The following NWD1 variants were observed in gnomAD, a reference collection of about 807,000 sequenced individuals.
The protein encoded by NWD1 is NACHT domain- and WD repeat-containing protein 1.
NWD1 carries 129 observed loss-of-function variants against 135.1 expected under a neutral mutation model. The ratio of observed to expected loss-of-function variants is 0.96; its 90% confidence interval spans 0.83 to 1.11. The LOEUF is 1.11. Ranked by LOEUF, NWD1 falls within the 50% of genes least tolerant of loss-of-function variation. The pLI, the probability that NWD1 is intolerant of heterozygous loss-of-function variation, is 0.00. For synonymous variants in NWD1, 773 were observed against 786.0 expected (o/e 0.98, Z 0.28); for missense variants, 1,740 against 1,851.3 (o/e 0.94, Z 1.10).
At position 16,794,603 on chromosome 19, in the gene NWD1, G is replaced by T. The variant is rs375635964; in HGVS notation, c.3304+50G>T. ...TAGTGAGGAAGCTAATCAGGATCAG[G>T]TTGGAGAAGGGGGTGGGGCTTGGGA... On this transcript the variant is annotated intron_variant, in intron 15 of 18. Coordinates refer to ENST00000524140, the MANE Select transcript of NWD1 (RefSeq NM_001007525.5). The T allele has an allele frequency of 2.3e-5, 29 of 1,275,534 alleles. No individual in the cohort carries two copies. In the African/African-American group the frequency reaches 4.3e-4, roughly 19 times the overall value. 79.0% of individuals were successfully genotyped at this position (1,275,534 alleles called of 1,614,324 possible).
At position 16,809,541 on chromosome 19, in the gene NWD1, T is replaced by C. The variant is rs562204711; in HGVS notation, c.4287+1405T>C. The stretch of plus-strand genomic sequence containing the variant: ...TCCTGGCTCTGTGCTATTTCTTTTT[T>C]TTTTTCTTTTTCTTTTTCTTTTTTT... On this transcript the variant is annotated intron_variant, in intron 18 of 18. Coordinates refer to ENST00000524140, the MANE Select transcript of NWD1 (RefSeq NM_001007525.5). 1.6e-4 allele frequency among the ~76,000 whole-genome samples: 23 copies of C among 145,966 alleles called. No individual in the cohort carries two copies. The East Asian group carries it at 4.3e-3, about 27-fold the overall frequency.
chr19:16,725,859 G>A (rs1967307317), intron 2 of NWD1, among the ~76,000 whole-genome samples: 1 of 150,888 alleles, frequency 6.6e-6, no homozygotes, highest in Non-Finnish European at 1.5e-5. Flanking sequence ...CAGCAGCCTT[G>A]AACTCTTGGG....
intron 3 of NWD1, among the ~76,000 whole-genome samples, chr19:16,732,677 T>TAAAAAAAAAAAAAAAAAAAAAAAA (rs1464805489): frequency 2.3e-5 from 2 of 85,158 alleles, no homozygotes; most frequent in African/African-American, 6.2e-5. Flanking sequence ...AAAGAAAAAG[T>TAAAAAAAAAAAAAAAAAAAAAAAA]GAAAAAGTGC....
rs556747373 is a variant in NWD1 at position 16,773,282 on chromosome 19, C to T, written c.2567C>T (p.Pro856Leu). 4.7e-5 allele frequency: 76 copies of T among 1,613,214 alleles called. No individual in the cohort carries two copies. In the Admixed American group the frequency reaches 7.5e-4, roughly 16 times the overall value. The change falls in exon 11 of 19, where the codon CCG becomes CTG. Residue 856 changes from proline (P) to leucine (L), a missense_variant. Coordinates refer to ENST00000524140, the MANE Select transcript of NWD1 (RefSeq NM_001007525.5). ...LVPLGGFLQP[P>L]GGPLRATLSG... ...CCCCTCGGAGGATTCCTCCAGCCCC[C>T]GGGAGGACCCCTCCGGGCAACTCTC...
intron 13 of NWD1, among the ~76,000 whole-genome samples, chr19:16,789,772 C>T (rs1187082378): frequency 1.4e-5 from 2 of 138,646 alleles, no homozygotes; most frequent in Non-Finnish European, 3.0e-5. Context: ...GGCTGGAGTA[C>T]AGTGGTACAA....
chr19:16,789,880 G>A (rs936785406), intron 13 of NWD1, among the ~76,000 whole-genome samples: 8 of 152,048 alleles, frequency 5.3e-5, no homozygotes, highest in Non-Finnish European at 1.0e-4. Flanking sequence ...ACCACGCCCA[G>A]CTAATTTTTG....
rs755237671 is a variant in NWD1 at position 16,750,099 on chromosome 19, C to T, written c.1457C>T (p.Pro486Leu). ...LDTLQRVLLD[P>L]EAYWEVKPLS... is the part of the protein sequence containing the mutation. ...ACCTTGCAGCGGGTGCTCCTGGACC[C>T]GGAGGCCTACTGGGAGGTGAAGCCC... The change falls in exon 6 of 19, where the codon CCG becomes CTG. Residue 486 changes from proline to leucine, a missense_variant. Pro to Leu is a moderately conservative substitution (Grantham distance 98, BLOSUM62 -3). Coordinates refer to ENST00000524140, the MANE Select transcript of NWD1 (RefSeq NM_001007525.5). The T allele has an allele frequency of 1.3e-5, 21 of 1,613,888 alleles. No individual in the cohort carries two copies. Among genetic ancestry groups the T allele is most frequent in the Middle Eastern group, 1.6e-4 (1 of 6,084 alleles).
intron 2 of NWD1, among the ~76,000 whole-genome samples, chr19:16,729,800 C>T (rs181572232): frequency 1.4e-4 from 21 of 150,920 alleles, no homozygotes; most frequent in Non-Finnish European, 2.8e-4. Context: ...ATCTGGTAGG[C>T]GGAGGTTGCA....
At chr19:16,731,315 A>AC (rs1568333892) in intron 3 of NWD1, 37 bp downstream of exon 3, 2 of 1,283,208 alleles carry the variant, frequency 1.6e-6, no homozygotes, top group Admixed American at 4.2e-5. Context: ...TGCTTTTTTT[A>AC]TTTTTTTTTG....
chr19:16,755,498 C>T (rs1196234667), intron 6 of NWD1, among the ~76,000 whole-genome samples: 3 of 152,172 alleles, frequency 2.0e-5, no homozygotes, highest in African/African-American at 7.2e-5. Context: ...AAATGATTCT[C>T]ATGTCTCAGC....
intron 6 of NWD1, among the ~76,000 whole-genome samples, chr19:16,756,607 C>G (rs1235244167): frequency 4.6e-5 from 7 of 152,128 alleles, no homozygotes; most frequent in Non-Finnish European, 8.8e-5. Flanking sequence ...ATCTGTCTAT[C>G]TATAATCTAT....
intron 17 of NWD1, among the ~76,000 whole-genome samples, chr19:16,803,164 C>T (rs1038590339): frequency 6.6e-6 from 1 of 152,110 alleles, no homozygotes; most frequent in Non-Finnish European, 1.5e-5. Context: ...TTATTCGCTA[C>T]CACAAGAACA....
Position 16,762,109 on chromosome 19 carries a change from G to A in NWD1, c.2104G>A (p.Val702Met), listed in dbSNP as rs755844911. The change falls in exon 8 of 19, where the codon GTG becomes ATG. Residue 702 changes from valine to methionine, a missense_variant. Transcript: ENST00000524140. The stretch of plus-strand genomic sequence containing the variant: ...CAAGAAGCTCATCACTCTGCCACTT[G>A]TGGGGAAACCACTGAACTTGGACCG... ...GTKKLITLPL[V>M]GKPLNLDRKV... 1.2e-5 allele frequency: 19 copies of A among 1,614,036 alleles called. No homozygotes were observed. The highest frequency in any genetic ancestry group is 1.5e-5 in the Non-Finnish European group (18 of 1,179,976).
Position 16,773,219 on chromosome 19 carries a change from A to G in NWD1, c.2504A>G (p.Gln835Arg). The G allele has an allele frequency of 6.2e-7, 1 of 1,613,814 alleles. No individual in the cohort carries two copies. The highest frequency in any genetic ancestry group is 8.5e-7 in the Non-Finnish European group (1 of 1,180,010). Residue 835 changes from glutamine (Q) to arginine (R), a missense_variant, in exon 11 of 19, where the codon CAG (glutamine) becomes CGG (arginine). Transcript: ENST00000524140. The part of the protein sequence containing the change: ...ALVGQLCQQA[Q>R]SWFQLCAHPV... ...GTGGGACAGCTATGCCAACAGGCCC[A>G]GAGCTGGTTCCAGTTGTGCGCACAC...
intron 2 of NWD1, among the ~76,000 whole-genome samples, chr19:16,729,053 C>T (rs1967449808): frequency 6.6e-6 from 1 of 151,930 alleles, no homozygotes; most frequent in East Asian, 1.9e-4. Flanking sequence ...ATTGGGAAAC[C>T]TCTATGATGT....
In NWD1 at chr19:16,750,376, C is replaced by T. The variant is rs745325239; in HGVS notation, c.1734C>T (p.Leu578=). 18 of 1,600,288 alleles carry T rather than the reference C, an allele frequency of 1.1e-5. No homozygotes were observed. The highest frequency in any genetic ancestry group is 4.5e-5 in the East Asian group (2 of 44,724). ...TRLEQTHGQL[L]VAHVLGYIVS... is the part of the protein sequence containing the mutation. ...TGGAGCAGACACACGGGCAGCTCCT[C>T]GTGGCCCACGTGCTGGGCTACATTG... The change falls in exon 6 of 19, where the codon CTC becomes CTT. Residue 578 remains leucine (L), a synonymous_variant. Coordinates refer to ENST00000524140, the MANE Select transcript of NWD1 (RefSeq NM_001007525.5).
chr19:16,757,997 A>G (rs1968861669), intron 6 of NWD1, among the ~76,000 whole-genome samples: 1 of 151,792 alleles, frequency 6.6e-6, no homozygotes, highest in African/African-American at 2.4e-5. Flanking sequence ...GATTGCAGTG[A>G]GCTGAGATGG....
intron 18 of NWD1, among the ~76,000 whole-genome samples, chr19:16,810,023 C>T (rs1445100692): frequency 2.0e-5 from 3 of 152,138 alleles, no homozygotes; most frequent in African/African-American, 7.2e-5. Context: ...ACACAGTGAG[C>T]TCTGTCTGGG....
chr19:16,754,796 A>T (rs1412766319), intron 6 of NWD1, among the ~76,000 whole-genome samples: 2 of 147,458 alleles, frequency 1.4e-5, no homozygotes, highest in African/African-American at 5.1e-5. Context: ...TCTATCATCC[A>T]TCCATCCATC....
Sources: gnomAD v4.1 joint callset for allele counts (sites outside exome capture counted in the v4.1 genomes callset) on GRCh38, gnomAD v4.1.1 for gene constraint, MANE v1.5 for transcripts, NCBI Gene and HGNC (gene_info 2026-07-23, HGNC 2026-07-21) for gene names.